MAP3K5: variants seen among roughly 807,000 people sequenced by gnomAD.
MAP3K5 encodes mitogen-activated protein kinase kinase kinase 5.
Under a neutral mutation model 158.7 loss-of-function variants are expected in MAP3K5, and 56 were observed. The observed-to-expected ratio is 0.35, with a 90% CI of 0.28 to 0.44. The LOEUF (loss-of-function observed/expected upper bound fraction) is 0.44. Ranked by LOEUF, MAP3K5 falls within the 20% of genes least tolerant of loss-of-function variation. The pLI, the probability that MAP3K5 is intolerant of heterozygous loss-of-function variation, is 1.00. For synonymous variants in MAP3K5, 579 were observed against 601.7 expected (o/e 0.96, Z 0.55); for missense variants, 1,294 against 1,674.8 (o/e 0.77, Z 3.97).
chr6:136,746,441 T>C (rs1024023629), intron 1 of MAP3K5, among the ~76,000 whole-genome samples: 2 of 152,182 alleles, frequency 1.3e-5, no homozygotes, highest in African/African-American at 4.8e-5. Context: ...TGTACTGTTC[T>C]ATGGAAGTAT....
intron 4 of MAP3K5, 92 bp downstream of exon 4, chr6:136,698,397 A>G (rs570413272): frequency 1.3e-5 from 14 of 1,039,914 alleles, no homozygotes; most frequent in African/African-American, 4.8e-5. Context: ...CTGTATACTG[A>G]TATCTCAGGA....
At position 136,677,457 on chromosome 6, in the gene MAP3K5, T is replaced by C. The variant is rs377011035; in HGVS notation, c.1254-8062A>G. ...TGGCAATCTCCACTTTAACTGAAGA[T>C]GCTATCTCAGACATTTTAGGGTAAG... On this transcript the variant is annotated intron_variant, in intron 7 of 29. Transcript: ENST00000359015. Among the ~76,000 whole-genome samples the C allele has an allele frequency of 5.1e-4, 77 of 152,296 alleles. 1 individual carries two copies. In the South Asian group the frequency reaches 0.016, roughly 31 times the overall value.
intron 7 of MAP3K5, among the ~76,000 whole-genome samples, chr6:136,677,594 T>C (rs939320458): frequency 1.3e-5 from 2 of 152,210 alleles, no homozygotes; most frequent in Non-Finnish European, 2.9e-5. Context: ...CCACATTGTC[T>C]TCCATCTGGG....
At chr6:136,605,612 G>A (rs1400667265) in intron 18 of MAP3K5, among the ~76,000 whole-genome samples, 1 of 152,140 alleles carries the variant, frequency 6.6e-6, no homozygotes, top group Admixed American at 6.6e-5. Flanking sequence ...GAATAGGTAC[G>A]CTCTTATTCC....
chr6:136,633,324 G>A (rs1434057110), intron 14 of MAP3K5, among the ~76,000 whole-genome samples: 2 of 151,872 alleles, frequency 1.3e-5, no homozygotes, highest in East Asian at 1.9e-4. Flanking sequence ...GCTTGAACCC[G>A]GGGGTGGAGG....
intron 1 of MAP3K5, among the ~76,000 whole-genome samples, chr6:136,759,848 G>A (rs1035934755): frequency 2.7e-5 from 4 of 150,848 alleles, no homozygotes; most frequent in Non-Finnish European, 4.4e-5. Flanking sequence ...GAGTCAGCAA[G>A]GGTGGTGGGA....
At chr6:136,792,754 T>G (rs1785147078), upstream of MAP3K5, among the ~76,000 whole-genome samples, 1 of 152,242 alleles carries the variant, frequency 6.6e-6, no homozygotes, top group South Asian at 2.1e-4. The surrounding 1 kb of genome is among the most constrained non-coding windows in gnomAD (Gnocchi z 5.7). Flanking sequence ...GTGGATTTCC[T>G]CCTCCTTGCC....
chr6:136,618,311 T>C (rs1164453975), intron 15 of MAP3K5, among the ~76,000 whole-genome samples: 1 of 152,236 alleles, frequency 6.6e-6, no homozygotes, highest in Non-Finnish European at 1.5e-5. Context: ...ATCTTCACAA[T>C]AATAGAGTTG....
At chr6:136,720,876 C>T (rs1781719544) in intron 1 of MAP3K5, among the ~76,000 whole-genome samples, 1 of 152,154 alleles carries the variant, frequency 6.6e-6, no homozygotes, top group Non-Finnish European at 1.5e-5. Flanking sequence ...AACTCCTAGG[C>T]TCAAATGATC....
chr6:136,681,732 T>A (rs138173322), intron 7 of MAP3K5, among the ~76,000 whole-genome samples: 3 of 152,124 alleles, frequency 2.0e-5, no homozygotes, highest in Non-Finnish European at 4.4e-5. Context: ...CTGGCTAACA[T>A]GGTGAAACTC....
At chr6:136,736,009 A>AT (rs1046061053) in intron 1 of MAP3K5, among the ~76,000 whole-genome samples, 24 of 151,582 alleles carry the variant, frequency 1.6e-4, no homozygotes, top group Non-Finnish European at 3.5e-4. Flanking sequence ...GAAAATCAGT[A>AT]TTTTTTTTTC....
rs757026219 is a variant in MAP3K5, at chr6:136,792,045, ACCG to A, written c.110_112del (p.Ala37del). 6.6e-7 allele frequency: 1 copy of A among 1,515,990 alleles called. No individual in the cohort carries two copies. The highest frequency in any genetic ancestry group is 2.6e-5 in the East Asian group (1 of 39,016). 93.9% of individuals were successfully genotyped at this position (1,515,990 alleles called of 1,614,324 possible). A position where few individuals can be genotyped will look rare whatever the true frequency, so the allele number is the denominator to read the frequency against. On this transcript the variant is annotated inframe_deletion, in exon 1 of 30. Transcript: ENST00000359015. This position sits in a 1 kb window ranked among gnomAD's most constrained non-coding sequence, Gnocchi z 5.7. ...CAGCTGGTGCTCCTCGCCCTCGCCC[ACCG>A]CCGCCGCTCCTCCCCTCCTGCAGAT...
intron 1 of MAP3K5, among the ~76,000 whole-genome samples, chr6:136,757,473 C>T (rs1367420070): frequency 1.3e-5 from 2 of 151,810 alleles, no homozygotes; most frequent in African/African-American, 4.8e-5. Context: ...AAATAATGTT[C>T]ATAATAATTA....
At chr6:136,768,865 A>G (rs1374476573) in intron 1 of MAP3K5, among the ~76,000 whole-genome samples, 2 of 151,844 alleles carry the variant, frequency 1.3e-5, no homozygotes, top group Admixed American at 6.6e-5. Context: ...GTGAGCCAAG[A>G]TCGTGCCACT....
intron 2 of MAP3K5, among the ~76,000 whole-genome samples, chr6:136,709,779 C>T (rs1208431329): frequency 1.3e-5 from 2 of 152,116 alleles, no homozygotes; most frequent in African/African-American, 4.8e-5. Flanking sequence ...CTATAAAAAT[C>T]ATTCCTGAGC....
At chr6:136,618,812 G>C (rs545511039) in intron 15 of MAP3K5, among the ~76,000 whole-genome samples, 1 of 152,278 alleles carries the variant, frequency 6.6e-6, no homozygotes, top group Admixed American at 6.5e-5. Context: ...GGAAACTCTG[G>C]AACGACACCA....
rs1373995060 is a variant in MAP3K5 at position 136,613,350 on chromosome 6, T to C, written c.2279-94A>G. The C allele has an allele frequency of 1.7e-6, 2 of 1,163,000 alleles. No homozygotes were observed. The highest frequency in any genetic ancestry group is 1.2e-6 in the Non-Finnish European group (1 of 841,262). 72.0% of individuals were successfully genotyped at this position (1,163,000 alleles called of 1,614,324 possible). A position where few individuals can be genotyped will look rare whatever the true frequency, so the allele number is the denominator to read the frequency against. On this transcript the variant is annotated intron_variant, in intron 16 of 29. Transcript: ENST00000359015. The surrounding 1 kb of genome is among the most constrained non-coding windows in gnomAD (Gnocchi z 4.0). ...TAACAGTAATTTAAGCTAACAGTCA[T>C]TGGTTCTTCACAGTGGCCCAGGAGC... is the stretch of plus-strand genomic sequence containing the variant.
At chr6:136,721,738 C>T (rs926589894) in intron 1 of MAP3K5, among the ~76,000 whole-genome samples, 11 of 152,160 alleles carry the variant, frequency 7.2e-5, no homozygotes, top group Non-Finnish European at 1.5e-5. Flanking sequence ...AATTGCTGAG[C>T]TGGGCACAGT....
chr6:136,581,030 T>C (rs1774851395), intron 24 of MAP3K5, among the ~76,000 whole-genome samples: 2 of 152,274 alleles, frequency 1.3e-5, no homozygotes, highest in South Asian at 4.1e-4. Flanking sequence ...TACATTCACA[T>C]TATTGTACTA....
Sources: gnomAD v4.1 joint callset for allele counts (sites outside exome capture counted in the v4.1 genomes callset) on GRCh38, gnomAD v4.1.1 for gene constraint, Gnocchi (gnomAD v3.1) non-coding constraint, MANE v1.5 for transcripts, NCBI Gene and HGNC (gene_info 2026-07-23, HGNC 2026-07-21) for gene names.